HAUS3: variants seen among roughly 807,000 people sequenced by gnomAD.
The protein encoded by HAUS3 is HAUS augmin like complex subunit 3.
Under a neutral mutation model 55.2 loss-of-function variants are expected in HAUS3, and 36 were observed. That is an observed-to-expected ratio of 0.65 (90% CI 0.50 to 0.86). The LOEUF is 0.86. Ranked by LOEUF, HAUS3 falls within the 40% of genes least tolerant of loss-of-function variation. The probability of loss-of-function intolerance (pLI) is 0.00; values close to 1 mark genes in which losing one functional copy is unlikely to be tolerated. For missense variants in HAUS3, 752 were observed against 671.5 expected, an observed-to-expected ratio of 1.12 and a Z score of -1.33; for synonymous variants, 234 against 238.6, an observed-to-expected ratio of 0.98 and a Z score of 0.18.
At position 2,229,188 on chromosome 4, in the gene HAUS3, G is replaced by GT; in HGVS notation, c.*2738dup. 1.9e-6 allele frequency: 3 copies of GT among 1,610,166 alleles called. No homozygotes were observed. Among genetic ancestry groups the GT allele is most frequent in the Non-Finnish European group, 2.5e-6 (3 of 1,177,170 alleles). ...CTTCTGAGCAACACTGGAGAGCGGT[G>GT]TATTACAGAGATCAAAGCCTACCAA... On this transcript the variant is annotated 3_prime_UTR_variant, in exon 6 of 6. Coordinates refer to ENST00000443786, the MANE Select transcript of HAUS3 (RefSeq NM_001303143.2).
Position 2,229,069 on chromosome 4 carries a change from G to A in HAUS3, c.*2858C>T, listed in dbSNP as rs780592787. 10 of 1,554,028 alleles carry A rather than the reference G, an allele frequency of 6.4e-6. No individual in the cohort carries two copies. In the Admixed American group the frequency reaches 1.5e-4, roughly 23 times the overall value. On this transcript the variant is annotated 3_prime_UTR_variant, in exon 6 of 6. Coordinates refer to ENST00000443786, the MANE Select transcript of HAUS3 (RefSeq NM_001303143.2). ...GAACAATTAACATTCAAAGTATCAAGAGAAAGAAAGGTTCATAAAAATTAC... is the reference window on the plus strand; with the variant it reads ...GAACAATTAACATTCAAAGTATCAAAAGAAAGAAAGGTTCATAAAAATTAC...
At position 2,230,898 on chromosome 4, in the gene HAUS3, T is replaced by G. The variant is rs1041949479; in HGVS notation, c.*1029A>C. On this transcript the variant is annotated 3_prime_UTR_variant, in exon 6 of 6. Transcript: ENST00000443786. ...ATATTTTCTGGCTGCCCAAATACCA[T>G]TGTTAAATACAATTAGACATTTTTG... 1 of 152,352 alleles carries G rather than the reference T, an allele frequency of 6.6e-6. No homozygotes were observed. Among genetic ancestry groups the G allele is most frequent in the East Asian group, 1.9e-4 (1 of 5,190 alleles). 9.4% of individuals were successfully genotyped at this position (152,352 alleles called of 1,614,324 possible).
rs1395454885 is a variant in HAUS3 at position 2,229,237 on chromosome 4, C to G, written c.*2690G>C. The G allele has an allele frequency of 4.4e-6, 7 of 1,591,072 alleles. No individual in the cohort carries two copies. The highest frequency in any genetic ancestry group is 6.0e-6 in the Non-Finnish European group (7 of 1,168,210). On this transcript the variant is annotated 3_prime_UTR_variant, in exon 6 of 6. Coordinates refer to ENST00000443786, the MANE Select transcript of HAUS3 (RefSeq NM_001303143.2). ...AATGCCTCATAATTTTCCATTTTCA[C>G]AAAATCCTAAATGTAAGATTAACAT... is the stretch of plus-strand genomic sequence containing the variant.
Position 2,230,944 on chromosome 4 carries a change from G to A in HAUS3, c.*983C>T, listed in dbSNP as rs1296293810. 6.6e-6 allele frequency: 1 copy of A among 152,122 alleles called. No individual in the cohort carries two copies. Among genetic ancestry groups the A allele is most frequent in the African/African-American group, 2.4e-5 (1 of 41,426 alleles). 9.4% of individuals were successfully genotyped at this position (152,122 alleles called of 1,614,324 possible). On this transcript the variant is annotated 3_prime_UTR_variant, in exon 6 of 6. Coordinates refer to ENST00000443786, the MANE Select transcript of HAUS3 (RefSeq NM_001303143.2). ...TTTTGCTCTTAAACTGATTAAAATA[G>A]TATCATACATCTTTTGAGCAACCAC...
chr4:2,235,749 A>G (rs147196147), intron 5 of HAUS3, among the ~76,000 whole-genome samples: 1 of 149,908 alleles, frequency 6.7e-6, no homozygotes, highest in African/African-American at 2.5e-5. Flanking sequence ...GTCTAGGAAT[A>G]TATATATATG....
At position 2,232,131 on chromosome 4, in the gene HAUS3, T is replaced by C. The variant is rs1424148399; in HGVS notation, c.1608A>G (p.Glu536=). 5.7e-6 allele frequency: 9 copies of C among 1,572,684 alleles called. No homozygotes were observed. The African/African-American group carries it at 6.9e-5, about 12-fold the overall frequency. ...QELTEQFHKV[E]SQLNKLNHLL... is the part of the protein sequence containing the mutation. The stretch of plus-strand genomic sequence containing the variant: ...GATGATTTAGCTTATTCAGTTGAGA[T>C]TCAACTTTATGAAACTGCTCTGTTA... Residue 536 remains glutamate (E), a synonymous_variant, in exon 6 of 6, where the codon GAA becomes GAG. Transcript: ENST00000443786.
intron 2 of HAUS3, 103 bp from the exon 3 acceptor site, chr4:2,241,196 G>A (rs1734974073): frequency 5.2e-6 from 2 of 387,742 alleles, no homozygotes; most frequent in Admixed American, 4.5e-5. Context: ...CGGGATAAAT[G>A]ACAGGTAGTC....
intron 1 of HAUS3, 83 bp from the exon 2 acceptor site, chr4:2,241,873 C>T: frequency 1.0e-6 from 1 of 985,506 alleles, no homozygotes. Context: ...CCGCACAGCC[C>T]CCGCCCCAGC....
Position 2,230,445 on chromosome 4 carries a change from G to A in HAUS3, c.*1482C>T, listed in dbSNP as rs554273947. 24 of 151,862 alleles carry A rather than the reference G, an allele frequency of 1.6e-4. No individual in the cohort carries two copies. The highest frequency in any genetic ancestry group is 3.6e-4 in the African/African-American group (15 of 41,382). 9.4% of individuals were successfully genotyped at this position (151,862 alleles called of 1,614,324 possible). On this transcript the variant is annotated 3_prime_UTR_variant, in exon 6 of 6. Coordinates refer to ENST00000443786, the MANE Select transcript of HAUS3 (RefSeq NM_001303143.2). ...AAATTTTAAGTAAATTCTCTATTCC[G>A]AAATAGAATAGAAAAAAACATATAC...
chr4:2,242,096 C>T lies in HAUS3; in HGVS notation c.-464G>A. 3 of 985,772 alleles carry T rather than the reference C, an allele frequency of 3.0e-6. No individual in the cohort carries two copies. Among genetic ancestry groups the T allele is most frequent in the South Asian group, 9.4e-5 (2 of 21,336 alleles). The allele number at this position is 985,772 out of a possible 1,614,324, so 61.1% of individuals were successfully genotyped here. ...TCTCGCAGGAGCCCGCCGCCACCGC[C>T]CTCCGTGCCCCGCGCGCCTCGCACT... On this transcript the variant is annotated 5_prime_UTR_variant, in exon 1 of 6. Transcript: ENST00000443786.
chr4:2,242,026 C>A, intron 1 of HAUS3, 25 bp downstream of exon 1: 1 of 985,596 alleles, frequency 1.0e-6, no homozygotes, highest in Non-Finnish European at 1.2e-6. Context: ...CCCCTGCGCC[C>A]AGAACCGAGG....
intron 4 of HAUS3, 121 bp downstream of exon 4, chr4:2,238,479 TAGAA>T (rs1308915088): frequency 5.8e-6 from 3 of 515,568 alleles, no homozygotes; most frequent in Admixed American, 4.0e-5. Context: ...GGAAAAAAAA[TAGAA>T]AGGCCAAAAG....
rs35874601 is a variant in HAUS3 at position 2,229,750 on chromosome 4, A to G, written c.*2177T>C. 12,972 of 152,194 alleles carry G rather than the reference A, an allele frequency of 0.085. 847 individuals carry two copies. The highest frequency in any genetic ancestry group is 0.17 in the African/African-American group (7,181 of 41,438). 9.4% of individuals were successfully genotyped at this position (152,194 alleles called of 1,614,324 possible). On this transcript the variant is annotated 3_prime_UTR_variant, in exon 6 of 6. Coordinates refer to ENST00000443786, the MANE Select transcript of HAUS3 (RefSeq NM_001303143.2). ...AGGCAGGAGAATCACGTGAACCCAG[A>G]AGGCAGAGGTTGCAGTGAGCTGAGA...
chr4:2,240,617 C>T lies in HAUS3; in HGVS notation c.330G>A (p.Leu110=), dbSNP rs756738734. The T allele has an allele frequency of 1.9e-6, 3 of 1,613,092 alleles. No homozygotes were observed. In the African/African-American group the frequency reaches 4.0e-5, roughly 22 times the overall value. The change falls in exon 3 of 6, where the codon CTG becomes CTA. Residue 110 remains leucine (L), a synonymous_variant. Transcript: ENST00000443786. ...EKLEDEVQTL[L]KLKNLKIQRR... ...GCTGAATTTTTAGGTTCTTTAATTTCAGTAGAGTTTGAACCTCATCCTCTA... is the reference window on the plus strand; with the variant it reads ...GCTGAATTTTTAGGTTCTTTAATTTTAGTAGAGTTTGAACCTCATCCTCTA...
chr4:2,240,256 C>T lies in HAUS3; in HGVS notation c.691G>A (p.Glu231Lys), dbSNP rs772608965. Reference sequence around the variant, plus strand: ...TGAAAATTGTCTTCATTTGAACTTTCAACTACTTCATGTATACCCTGAAAG... The same window carrying T: ...TGAAAATTGTCTTCATTTGAACTTTTAACTACTTCATGTATACCCTGAAAG... ...QFFQGIHEVV[E>K]SSNEDNFQLL... Residue 231 changes from glutamate to lysine, a missense_variant, in exon 3 of 6, where the codon GAA becomes AAA. Physicochemically the swap from Glu to Lys is moderately conservative, Grantham distance 56. Coordinates refer to ENST00000443786, the MANE Select transcript of HAUS3 (RefSeq NM_001303143.2). 2.5e-6 allele frequency: 4 copies of T among 1,613,772 alleles called. No individual in the cohort carries two copies. In the South Asian group the frequency reaches 4.4e-5, roughly 18 times the overall value.
At chr4:2,236,146 C>T in intron 5 of HAUS3, 82 bp downstream of exon 5, 2 of 755,686 alleles carry the variant, frequency 2.6e-6, no homozygotes, top group Non-Finnish European at 4.3e-6. Flanking sequence ...TAATATTTTC[C>T]TCATGTTAAC....
chr4:2,241,065 T>G lies in HAUS3; in HGVS notation c.-119A>C. On this transcript the variant is annotated 5_prime_UTR_variant, in exon 3 of 6. Coordinates refer to ENST00000443786, the MANE Select transcript of HAUS3 (RefSeq NM_001303143.2). ...TACCAAGTCCACAGAGAAGGGAAAATATATTTTTAGAATCTATAATGATTC... is the reference window on the plus strand; with the variant it reads ...TACCAAGTCCACAGAGAAGGGAAAAGATATTTTTAGAATCTATAATGATTC... 1.4e-6 allele frequency: 1 copy of G among 727,828 alleles called. No homozygotes were observed. The allele number at this position is 727,828 out of a possible 1,614,324, so 45.1% of individuals were successfully genotyped here.
At position 2,228,946 on chromosome 4, in the gene HAUS3, A is replaced by G. The variant is rs1734479148; in HGVS notation, c.*2981T>C. The G allele has an allele frequency of 5.0e-6, 3 of 595,162 alleles. No individual in the cohort carries two copies. Among genetic ancestry groups the G allele is most frequent in the African/African-American group, 1.9e-5 (1 of 52,464 alleles). 36.9% of individuals were successfully genotyped at this position (595,162 alleles called of 1,614,324 possible). On this transcript the variant is annotated 3_prime_UTR_variant, in exon 6 of 6. Transcript: ENST00000443786. Reference sequence around the variant, plus strand: ...TGAAGGTTAAGGGAACACGAAAGTTAGCAAGCAGAAGCTCAGTCTGCACTG... The same window carrying G: ...TGAAGGTTAAGGGAACACGAAAGTTGGCAAGCAGAAGCTCAGTCTGCACTG...
rs1380406684 is a variant in HAUS3, at chr4:2,240,984, G to C, written c.-38C>G. On this transcript the variant is annotated 5_prime_UTR_variant, in exon 3 of 6. Coordinates refer to ENST00000443786, the MANE Select transcript of HAUS3 (RefSeq NM_001303143.2). ...CCCAATTTTGTTGTATCTGATATGG[G>C]TTTACGGTGTTGATTTTTAGAAAAT... 2 of 1,431,748 alleles carry C rather than the reference G, an allele frequency of 1.4e-6. No individual in the cohort carries two copies. The highest frequency in any genetic ancestry group is 2.9e-5 in the African/African-American group (2 of 69,260). 88.7% of individuals were successfully genotyped at this position (1,431,748 alleles called of 1,614,324 possible).
Sources: gnomAD v4.1 joint callset for allele counts (sites outside exome capture counted in the v4.1 genomes callset) on GRCh38, gnomAD v4.1.1 for gene constraint, MANE v1.5 for transcripts, NCBI Gene and HGNC (gene_info 2026-07-23, HGNC 2026-07-21) for gene names.